DMD: variants seen among roughly 807,000 people sequenced by gnomAD.
DMD encodes the protein mutant dystrophin.
A neutral mutation model predicts 330.1 loss-of-function variants in DMD; 63 were observed. The observed-to-expected ratio is 0.19, with a 90% CI of 0.16 to 0.24. The LOEUF is 0.24. Ranked by LOEUF, DMD falls within the 10% of genes least tolerant of loss-of-function variation. DMD has a pLI of 1.00. For synonymous variants in DMD, 1,223 were observed against 959.8 expected, an observed-to-expected ratio of 1.27 and a Z score of -5.07; for missense variants, 3,344 against 2,684.1, an observed-to-expected ratio of 1.25 and a Z score of -5.43.
rs183501767 is a variant in DMD at position 31,546,125 on chromosome X, G to A, written c.8218-38672C>T. ...GATTCCTGTATTAGATGATTTTCCC[G>A]AGTCTTCTAACGACAAAAACAGCAA... On this transcript the variant is annotated intron_variant, in intron 55 of 78. Coordinates refer to ENST00000357033, the MANE Select transcript of DMD (RefSeq NM_004006.3). Among the ~76,000 whole-genome samples the A allele has an allele frequency of 9.2e-4, 103 of 112,234 alleles. 1 individual carries two copies. Among genetic ancestry groups the A allele is most frequent in the Admixed American group, 6.2e-3 (66 of 10,588 alleles).
intron 59 of DMD, among the ~76,000 whole-genome samples, chrX:31,448,290 G>A (rs1291276596): frequency 9.0e-6 from 1 of 111,362 alleles, no homozygotes; most frequent in Non-Finnish European, 1.9e-5. Flanking sequence ...AGGAAAAGGA[G>A]GCAGGAGAAT....
chrX:31,547,008 C>G (rs762241641), intron 55 of DMD, among the ~76,000 whole-genome samples: 3 of 112,337 alleles, frequency 2.7e-5, no homozygotes, highest in Non-Finnish European at 5.6e-5. Context: ...ATGAAACATA[C>G]CAGTTCTAGT....
intron 11 of DMD, among the ~76,000 whole-genome samples, chrX:32,631,925 G>C (rs1046797353): frequency 9.0e-6 from 1 of 110,981 alleles, no homozygotes; most frequent in Non-Finnish European, 1.9e-5. Flanking sequence ...CAAATCTCAA[G>C]TCCTTCTCAC....
chrX:32,616,285 C>T (rs2057557967), intron 11 of DMD, among the ~76,000 whole-genome samples: 1 of 111,176 alleles, frequency 9.0e-6, no homozygotes, highest in Non-Finnish European at 1.9e-5. Context: ...AGTCACTATA[C>T]ACAGCCCCTG....
chrX:31,937,738 G>A (rs1381664804), intron 45 of DMD, among the ~76,000 whole-genome samples: 2 of 111,876 alleles, frequency 1.8e-5, no homozygotes, highest in African/African-American at 6.5e-5. Context: ...CTTCATATTG[G>A]CATTCATCAC....
At position 31,968,521 on chromosome X, in the gene DMD, G is replaced by A. The variant is rs1351413255; in HGVS notation, c.6439-7C>T. 2 of 1,209,423 alleles carry A rather than the reference G, an allele frequency of 1.7e-6. No homozygotes were observed. The highest frequency in any genetic ancestry group is 4.4e-5 in the Admixed American group (2 of 45,834). On this transcript the variant is annotated splice_polypyrimidine_tract_variant and splice_region_variant and intron_variant, in intron 44 of 78. Coordinates refer to ENST00000357033, the MANE Select transcript of DMD (RefSeq NM_004006.3). Reference sequence around the variant, plus strand: ...CAATGCCATCCTGGAGTTCCTGTAAGATACCAAAAAGGCAAAACAAAAATG... The same window carrying A: ...CAATGCCATCCTGGAGTTCCTGTAAAATACCAAAAAGGCAAAACAAAAATG...
Position 32,418,338 on chromosome X carries a change from C to G in DMD, c.4072-6425G>C, listed in dbSNP as rs1206375426. Among the ~76,000 whole-genome samples, 6 of 111,108 alleles carry G rather than the reference C, an allele frequency of 5.4e-5. No individual in the cohort carries two copies. The East Asian group carries it at 1.4e-3, about 27-fold the overall frequency. On this transcript the variant is annotated intron_variant, in intron 29 of 78. Transcript: ENST00000357033. ...ATCTAGAATGTGGTCCAGCAGAAGA[C>G]AGAAAATGGTTTACGGGAGGTCTGA...
intron 2 of DMD, among the ~76,000 whole-genome samples, chrX:32,859,606 G>A (rs1486477655): frequency 9.0e-6 from 1 of 111,281 alleles, no homozygotes; most frequent in Non-Finnish European, 1.9e-5. Flanking sequence ...CTGTGGGAGT[G>A]CAAGTCAATA....
intron 60 of DMD, among the ~76,000 whole-genome samples, chrX:31,370,624 T>C (rs1265626899): frequency 4.4e-5 from 5 of 112,587 alleles, no homozygotes; most frequent in Non-Finnish European, 7.5e-5. Context: ...CGGAAAAGTT[T>C]GGCAGTTTTA....
intron 7 of DMD, among the ~76,000 whole-genome samples, chrX:32,742,686 T>A (rs2069449220): frequency 9.0e-6 from 1 of 111,343 alleles, no homozygotes; most frequent in African/African-American, 3.3e-5. Context: ...ATTATGAAGA[T>A]ACAAGGCAAC....
intron 57 of DMD, among the ~76,000 whole-genome samples, chrX:31,490,875 C>T (rs955666108): frequency 8.9e-6 from 1 of 112,569 alleles, no homozygotes; most frequent in African/African-American, 3.2e-5. Context: ...ATTTCTCAGC[C>T]TGTCTCTCAC....
At chrX:31,137,580 C>T (rs1759448173) in intron 76 of DMD, among the ~76,000 whole-genome samples, 1 of 109,362 alleles carries the variant, frequency 9.1e-6, no homozygotes. Flanking sequence ...TATTAAAATC[C>T]AACTATATAT....
intron 55 of DMD, among the ~76,000 whole-genome samples, chrX:31,513,003 T>G (rs897518825): frequency 6.6e-5 from 7 of 105,288 alleles, no homozygotes; most frequent in African/African-American, 2.4e-4. Flanking sequence ...TGTCCTCTTT[T>G]ATTTCCTTGA....
At chrX:32,071,789 T>TA (rs2096302053) in intron 44 of DMD, among the ~76,000 whole-genome samples, 1 of 109,980 alleles carries the variant, frequency 9.1e-6, no homozygotes, top group African/African-American at 3.3e-5. Context: ...TTGCTAGGAG[T>TA]AAAAAATAAA....
intron 18 of DMD, among the ~76,000 whole-genome samples, chrX:32,506,204 T>G (rs1285358353): frequency 9.0e-6 from 1 of 111,266 alleles, no homozygotes; most frequent in South Asian, 3.8e-4. Flanking sequence ...TCAATGTAAG[T>G]TCATCTGTTG....
At chrX:31,951,304 G>A (rs1246676586) in intron 45 of DMD, among the ~76,000 whole-genome samples, 1 of 105,481 alleles carries the variant, frequency 9.5e-6, no homozygotes, top group Non-Finnish European at 2.0e-5. Context: ...TACAGGTCAG[G>A]TGTGAAATTT....
chrX:32,308,717 G>T (rs1335244074), intron 42 of DMD, among the ~76,000 whole-genome samples: 2 of 111,041 alleles, frequency 1.8e-5, no homozygotes, highest in East Asian at 5.7e-4. Flanking sequence ...GTAGCCAAGG[G>T]TCTAACATTC....
At position 33,081,007 on chromosome X, in the gene DMD, C is replaced by CACACAAAA. The variant is rs1441153335; in HGVS notation, c.32-60808_32-60807insTTTTGTGT. ...ACACACACACACACACACACACACA[C>CACACAAAA]AAAAACACATGTAAATACAGACAGA... On this transcript the variant is annotated intron_variant, in intron 1 of 78. Coordinates refer to ENST00000357033, the MANE Select transcript of DMD (RefSeq NM_004006.3). 9.2e-3 allele frequency among the ~76,000 whole-genome samples: 900 copies of CACACAAAA among 98,003 alleles called. 12 individuals carry two copies. The highest frequency in any genetic ancestry group is 0.035 in the African/African-American group (869 of 24,518). 85.1% of individuals were successfully genotyped at this position (98,003 alleles called of 115,157 possible). A position where few individuals can be genotyped will look rare whatever the true frequency, so the allele number is the denominator to read the frequency against.
At position 32,468,554 on chromosome X, in the gene DMD, G is replaced by C. The variant is rs1299331711; in HGVS notation, c.3106C>G (p.Leu1036Val). ...TCTAGCTTTTGACAATGCTCAACCA[G>C]CTGGGAGGAGAGCTTCTTCCAGCGT... ...EGRWKKLSSQ[L>V]VEHCQKLEEQ... is the part of the protein sequence containing the mutation. Residue 1036 changes from leucine to valine, a missense_variant, in exon 23 of 79, where the codon CTG (leucine) becomes GTG (valine). Leu to Val is a conservative substitution (Grantham distance 32). Transcript: ENST00000357033. 4.1e-6 allele frequency: 5 copies of C among 1,210,472 alleles called. No homozygotes were observed. The East Asian group carries it at 8.9e-5, about 22-fold the overall frequency.
Sources: allele counts gnomAD v4.1 joint callset (sites outside exome capture counted in the v4.1 genomes callset), GRCh38; gene constraint gnomAD v4.1.1; transcripts MANE v1.5; gene names NCBI Gene and HGNC (gene_info 2026-07-23, HGNC 2026-07-21).